The following UBE2E2 variants were observed in gnomAD, a reference collection of about 807,000 sequenced individuals.
The protein encoded by UBE2E2 is ubiquitin conjugating enzyme E2 E2, also known as ubiquitin-conjugating enzyme E2 E2.
UBE2E2 carries 6 observed loss-of-function variants against 24.7 expected under a neutral mutation model. That is an observed-to-expected ratio of 0.24 (90% CI 0.13 to 0.48). UBE2E2 has a LOEUF of 0.48. Ranked by LOEUF, UBE2E2 falls within the 20% of genes least tolerant of loss-of-function variation. The pLI, the probability that UBE2E2 is intolerant of heterozygous loss-of-function variation, is 0.99. For synonymous variants in UBE2E2, 104 were observed against 83.6 expected (o/e 1.24, Z -1.33); for missense variants, 169 against 245.0 (o/e 0.69, Z 2.07).
chr3:23,284,260 T>C (rs1261430464), intron 3 of UBE2E2, among the ~76,000 whole-genome samples: 1 of 152,172 alleles, frequency 6.6e-6, no homozygotes, highest in Non-Finnish European at 1.5e-5. Context: ...AAGAGACAAT[T>C]TTTTACCTTA....
At chr3:23,436,581 T>A (rs892846160) in intron 3 of UBE2E2, among the ~76,000 whole-genome samples, 12 of 151,592 alleles carry the variant, frequency 7.9e-5, no homozygotes, top group African/African-American at 2.9e-4. Context: ...TTTTTTCCTA[T>A]TCTCAAAGCT....
chr3:23,241,021 C>T (rs1485829331), intron 3 of UBE2E2, among the ~76,000 whole-genome samples: 1 of 152,166 alleles, frequency 6.6e-6, no homozygotes, highest in Non-Finnish European at 1.5e-5. Context: ...ACTGTTTACT[C>T]ATTGCCCCAT....
intron 5 of UBE2E2, among the ~76,000 whole-genome samples, chr3:23,565,947 T>TTGTTGTC (rs1696063722): frequency 6.6e-6 from 1 of 152,150 alleles, no homozygotes; most frequent in Non-Finnish European, 1.5e-5. Flanking sequence ...GTAGACTAAA[T>TTGTTGTC]TGTTGTCCAG....
intron 3 of UBE2E2, among the ~76,000 whole-genome samples, chr3:23,301,931 A>T (rs1230479596): frequency 7.0e-6 from 1 of 142,532 alleles, no homozygotes; most frequent in East Asian, 1.9e-4. Flanking sequence ...TCGCTTAATT[A>T]ATCTTTCTTC....
At chr3:23,295,710 G>C (rs138794966) in intron 3 of UBE2E2, among the ~76,000 whole-genome samples, 48 of 152,298 alleles carry the variant, frequency 3.2e-4, no homozygotes, top group African/African-American at 1.1e-3. Context: ...TATGTAGCTT[G>C]TACGTTGCAC....
intron 3 of UBE2E2, among the ~76,000 whole-genome samples, chr3:23,386,123 G>A (rs561823772): frequency 6.6e-6 from 1 of 151,888 alleles, no homozygotes; most frequent in South Asian, 2.1e-4. Flanking sequence ...ATTGTAGAAT[G>A]TCTTAGCCTG....
intron 3 of UBE2E2, among the ~76,000 whole-genome samples, chr3:23,426,675 T>G (rs1697935602): frequency 6.6e-6 from 1 of 152,160 alleles, no homozygotes; most frequent in Non-Finnish European, 1.5e-5. Flanking sequence ...GGTAAGACTT[T>G]CTAGCTAAAC....
rs112682420 is a variant in UBE2E2, at chr3:23,478,892, A to AT, written c.228-20715dup. Among the ~76,000 whole-genome samples the AT allele has an allele frequency of 3.2e-3, 113 of 35,820 alleles. 1 individual carries two copies. Among genetic ancestry groups the AT allele is most frequent in the African/African-American group, 4.5e-3 (80 of 17,726 alleles). The allele number at this position is 35,820 out of a possible 152,430, so 23.5% of individuals were successfully genotyped here. A position where few individuals can be genotyped will look rare whatever the true frequency, so the allele number is the denominator to read the frequency against. On this transcript the variant is annotated intron_variant, in intron 3 of 5. Transcript: ENST00000396703. ...CCCATCTGTACAAATATATATATAT[A>AT]TATATTTTTTTTTTAATTAGCTGAG... is the stretch of plus-strand genomic sequence containing the variant.
At chr3:23,379,765 G>C (rs1696619434) in intron 3 of UBE2E2, among the ~76,000 whole-genome samples, 1 of 152,140 alleles carries the variant, frequency 6.6e-6, no homozygotes, top group Non-Finnish European at 1.5e-5. Context: ...CCTCTCTGAG[G>C]AGGTGACCTT....
chr3:23,514,814 T>A (rs2125468950), intron 4 of UBE2E2, among the ~76,000 whole-genome samples: 1 of 152,242 alleles, frequency 6.6e-6, no homozygotes. Flanking sequence ...GCCACAGTAC[T>A]GAATTGGTGA....
chr3:23,404,999 C>T (rs932269846), intron 3 of UBE2E2, among the ~76,000 whole-genome samples: 3 of 152,268 alleles, frequency 2.0e-5, no homozygotes, highest in African/African-American at 7.2e-5. Context: ...GACTCAGATG[C>T]GAAGGTGTTT....
intron 5 of UBE2E2, among the ~76,000 whole-genome samples, chr3:23,588,237 C>T (rs1317550867): frequency 1.3e-5 from 2 of 152,096 alleles, no homozygotes; most frequent in Non-Finnish European, 2.9e-5. Context: ...AGTGGATCCT[C>T]CTTACCTGAC....
At chr3:23,203,941 C>A (rs1255360722) in intron 1 of UBE2E2, among the ~76,000 whole-genome samples, 8 of 152,068 alleles carry the variant, frequency 5.3e-5, no homozygotes, top group African/African-American at 1.9e-4. Flanking sequence ...CGCCGCCGCA[C>A]CCCGGTGGCC....
intron 5 of UBE2E2, among the ~76,000 whole-genome samples, chr3:23,553,312 T>TA (rs76300474): frequency 1.6e-4 from 24 of 148,676 alleles, no homozygotes; most frequent in African/African-American, 3.0e-4. Context: ...TTATGACCTC[T>TA]AAAAAAAAAA....
intron 5 of UBE2E2, among the ~76,000 whole-genome samples, chr3:23,552,286 G>T (rs562109466): frequency 3.9e-5 from 6 of 152,122 alleles, no homozygotes; most frequent in Admixed American, 6.6e-5. Flanking sequence ...CCAGGGGTTC[G>T]AGGTTGCACT....
chr3:23,456,235 G>A (rs1036358340), intron 3 of UBE2E2, among the ~76,000 whole-genome samples: 4 of 152,168 alleles, frequency 2.6e-5, no homozygotes, highest in African/African-American at 9.7e-5. Flanking sequence ...CATCTTTGCA[G>A]TTACTTCCTC....
At chr3:23,537,895 A>G (rs1423228696) in intron 5 of UBE2E2, among the ~76,000 whole-genome samples, 1 of 152,146 alleles carries the variant, frequency 6.6e-6, no homozygotes, top group Non-Finnish European at 1.5e-5. Flanking sequence ...ATATTTGTGT[A>G]GATTATTTAT....
intron 3 of UBE2E2, among the ~76,000 whole-genome samples, chr3:23,270,668 AAAAG>A (rs1304381390): frequency 6.6e-6 from 1 of 152,212 alleles, no homozygotes; most frequent in Non-Finnish European, 1.5e-5. Flanking sequence ...AACTTGCCAA[AAAAG>A]AAGGAAATGG....
rs573106487 is a variant in UBE2E2, at chr3:23,366,486, A to G, written c.228-133122A>G. Among the ~76,000 whole-genome samples the G allele has an allele frequency of 2.7e-4, 41 of 152,244 alleles. 1 individual carries two copies. In the East Asian group the frequency reaches 7.3e-3, roughly 27 times the overall value. On this transcript the variant is annotated intron_variant, in intron 3 of 5. Coordinates refer to ENST00000396703, the MANE Select transcript of UBE2E2 (RefSeq NM_152653.4). ...TATGCAGCCATTAAAAAAGAATGAG[A>G]TCCTTCGCTTTGCAACAACATTGAT...
Sources: allele counts gnomAD v4.1 joint callset (sites outside exome capture counted in the v4.1 genomes callset), GRCh38; gene constraint gnomAD v4.1.1; transcripts MANE v1.5; gene names NCBI Gene and HGNC (gene_info 2026-07-23, HGNC 2026-07-21).